PSMG2: variants seen among roughly 807,000 people sequenced by gnomAD.
The protein encoded by PSMG2 is CD40 ligand-activated specific transcript 3.
Under a neutral mutation model 31.5 loss-of-function variants are expected in PSMG2, and 21 were observed. The ratio of observed to expected loss-of-function variants is 0.67; its 90% CI spans 0.47 to 0.96. The LOEUF is 0.96. Ranked by LOEUF, PSMG2 falls within the 40% of genes least tolerant of loss-of-function variation. The pLI is 0.00. For missense variants in PSMG2, 318 were observed against 321.2 expected, an observed-to-expected ratio of 0.99 and a Z score of 0.08; for synonymous variants, 120 against 110.4, an observed-to-expected ratio of 1.09 and a Z score of -0.54.
chr18:12,701,421 T>C (rs1054959180), upstream of PSMG2, among the ~76,000 whole-genome samples: 3 of 152,272 alleles, frequency 2.0e-5, no homozygotes, highest in South Asian at 2.1e-4. Context: ...TATGATCTTA[T>C]TACTTTCATA....
intron 1 of PSMG2, among the ~76,000 whole-genome samples, chr18:12,666,755 A>G (rs1020176411): frequency 6.6e-6 from 1 of 152,080 alleles, no homozygotes; most frequent in Non-Finnish European, 1.5e-5. Context: ...GGCCAAAAAA[A>G]AAAAAACTTT....
At chr18:12,721,829 A>T (rs2040433693) in intron 5 of PSMG2, among the ~76,000 whole-genome samples, 1 of 151,496 alleles carries the variant, frequency 6.6e-6, no homozygotes, top group Non-Finnish European at 1.5e-5. Context: ...TTATTAATTT[A>T]AAAGTTTTTT....
intron 1 of PSMG2, among the ~76,000 whole-genome samples, chr18:12,676,421 T>G (rs934275381): frequency 1.3e-5 from 2 of 151,142 alleles, no homozygotes; most frequent in Non-Finnish European, 2.9e-5. Flanking sequence ...ACTACAGGCA[T>G]GCACCACCAC....
intron 2 of PSMG2, among the ~76,000 whole-genome samples, chr18:12,710,958 G>T (rs79891159): frequency 6.6e-6 from 1 of 152,022 alleles, no homozygotes; most frequent in Non-Finnish European, 1.5e-5. Flanking sequence ...AAATTAACCC[G>T]TTGTGACGGT....
chr18:12,689,743 T>C (rs761680836), intron 1 of PSMG2, among the ~76,000 whole-genome samples: 5 of 152,070 alleles, frequency 3.3e-5, no homozygotes, highest in African/African-American at 4.8e-5. Flanking sequence ...CCTCAGACTA[T>C]ATAGACAGCA....
At chr18:12,662,692 G>A (rs940068344) in intron 1 of PSMG2, among the ~76,000 whole-genome samples, 10 of 152,164 alleles carry the variant, frequency 6.6e-5, no homozygotes, top group Admixed American at 4.6e-4. Flanking sequence ...CACAAGAATC[G>A]CTTGAGCCCA....
At position 12,724,562 on chromosome 18, in the gene PSMG2, A is replaced by G; in HGVS notation, c.645A>G (p.Pro215=). The change falls in exon 6 of 7, where the codon CCA becomes CCG. Residue 215 remains proline (P), a synonymous_variant. Coordinates refer to ENST00000317615, the MANE Select transcript of PSMG2 (RefSeq NM_020232.5). ...LKFVSEGDNI[P]DALGLVEYLN... is the part of the protein sequence containing the mutation. ...TTGTTTCAGAAGGGGACAACATCCC[A>G]GATGCATTAGGTCTTGTTGAGTATC... 6.2e-7 allele frequency: 1 copy of G among 1,611,640 alleles called. No individual in the cohort carries two copies.
At chr18:12,702,779 C>G, upstream of PSMG2, 1 of 582,524 alleles carries the variant, frequency 1.7e-6, no homozygotes. Context: ...ACAAACAGGG[C>G]TTGGGGCTGG....
chr18:12,722,372 G>A (rs2040439111), intron 5 of PSMG2, among the ~76,000 whole-genome samples: 1 of 152,090 alleles, frequency 6.6e-6, no homozygotes, highest in African/African-American at 2.4e-5. Flanking sequence ...ACAGGGAGCG[G>A]AACCCAAGCA....
Position 12,676,272 on chromosome 18 carries a change from G to C in PSMG2, c.-37+17499G>C, listed in dbSNP as rs961239944. Among the ~76,000 whole-genome samples, 4 of 139,024 alleles carry C rather than the reference G, an allele frequency of 2.9e-5. No homozygotes were observed. In the Admixed American group the frequency reaches 2.9e-4, roughly 10 times the overall value. The allele number at this position is 139,024 out of a possible 152,430, so 91.2% of individuals were successfully genotyped here. A position where few individuals can be genotyped will look rare whatever the true frequency, so the allele number is the denominator to read the frequency against. On this transcript the variant is annotated intron_variant, in intron 1 of 6. Coordinates refer to the PSMG2 transcript ENST00000585331. The stretch of plus-strand genomic sequence containing the variant: ...GCTTTGTTTTCTTTTTCTGTAAACA[G>C]TAATTCCTTTTTTTTTTTTTTTTTT...
intron 1 of PSMG2, chr18:12,686,424 G>A: frequency 6.2e-7 from 1 of 1,613,280 alleles, no homozygotes; most frequent in Non-Finnish European, 8.5e-7. Context: ...CATAGGAACA[G>A]ACTGGTCTAT....
intron 1 of PSMG2, among the ~76,000 whole-genome samples, chr18:12,673,692 C>G (rs1194514189): frequency 6.6e-6 from 1 of 151,984 alleles, no homozygotes; most frequent in Non-Finnish European, 1.5e-5. Flanking sequence ...CCAGCTTGGC[C>G]AACATAGTGA....
At chr18:12,680,900 TA>T in intron 1 of PSMG2, 1 of 1,345,378 alleles carries the variant, frequency 7.4e-7, no homozygotes, top group Non-Finnish European at 1.0e-6. Context: ...AATACTAAAT[TA>T]TAATAAAAAT....
At chr18:12,678,063 T>C (rs369987338) in intron 1 of PSMG2, 46 of 1,486,394 alleles carry the variant, frequency 3.1e-5, no homozygotes, top group Non-Finnish European at 3.6e-5. Context: ...GTTAAATACA[T>C]AAATGAAAAG....
At chr18:12,678,474 A>C in intron 1 of PSMG2, 1 of 1,438,558 alleles carries the variant, frequency 7.0e-7, no homozygotes, top group Non-Finnish European at 9.4e-7. Context: ...ATATATGAGA[A>C]CTTAAAAATT....
At position 12,663,780 on chromosome 18, in the gene PSMG2, TAG is replaced by T. The variant is rs367757465; in HGVS notation, c.-37+5013_-37+5014del. 4.0e-3 allele frequency among the ~76,000 whole-genome samples: 613 copies of T among 152,282 alleles called. 9 individuals are homozygous for T. The highest frequency in any genetic ancestry group is 0.013 in the African/African-American group (521 of 41,550). On this transcript the variant is annotated intron_variant, in intron 1 of 6. Coordinates refer to the PSMG2 transcript ENST00000585331. ...TTTCCTGATTGATTGTGTGTATGTG[TAG>T]AGAGACAGAATCTCATTCTGCTGCC...
chr18:12,714,608 C>T (rs1231121835), intron 3 of PSMG2, among the ~76,000 whole-genome samples: 1 of 151,930 alleles, frequency 6.6e-6, no homozygotes, highest in Non-Finnish European at 1.5e-5. Flanking sequence ...ATTCTCCAAC[C>T]TCACCCTCCC....
At chr18:12,695,948 CCAATTA>C (rs140247772) in intron 1 of PSMG2, among the ~76,000 whole-genome samples, 1 of 151,926 alleles carries the variant, frequency 6.6e-6, no homozygotes, top group Non-Finnish European at 1.5e-5. Context: ...TCCCCATTAT[CCAATTA>C]CAGGCTGAGT....
chr18:12,704,755 C>G (rs1002367748), intron 1 of PSMG2, among the ~76,000 whole-genome samples: 3 of 152,114 alleles, frequency 2.0e-5, no homozygotes, highest in African/African-American at 7.2e-5. Flanking sequence ...TGTTTACGTG[C>G]TGATGGGAAT....
Sources: gnomAD v4.1 joint callset for allele counts (sites outside exome capture counted in the v4.1 genomes callset) on GRCh38, gnomAD v4.1.1 for gene constraint, MANE v1.5 for transcripts, NCBI Gene and HGNC (gene_info 2026-07-23, HGNC 2026-07-21) for gene names.